Variants in MYLK observed in about 807,000 individuals in gnomAD.
MYLK encodes the protein myosin light chain kinase, also known as myosin light chain kinase, smooth muscle.
In MYLK, 106 loss-of-function variants were observed where a neutral mutation model predicts 203.4. The observed-to-expected ratio is 0.52, with a 90% confidence interval of 0.45 to 0.61. The LOEUF is 0.61. MYLK is among the 20% of genes least tolerant of loss of function. The probability of loss-of-function intolerance (pLI) is 0.00; values close to 1 mark genes in which losing one functional copy is unlikely to be tolerated. For missense variants in MYLK, 2,072 were observed against 2,442.3 expected, an observed-to-expected ratio of 0.85 and a Z score of 3.20; for synonymous variants, 867 against 959.5, an observed-to-expected ratio of 0.90 and a Z score of 1.78.
intron 20 of MYLK, among the ~76,000 whole-genome samples, chr3:123,667,710 G>A (rs528407941): frequency 2.0e-5 from 3 of 152,056 alleles, no homozygotes; most frequent in Non-Finnish European, 4.4e-5. Context: ...CAGTTCTCAG[G>A]GACCTATGAA....
In MYLK at chr3:123,737,451, G is replaced by C. The variant is rs768879568; in HGVS notation, c.681C>G (p.Asp227Glu). 1 of 1,614,180 alleles carries C rather than the reference G, an allele frequency of 6.2e-7. No individual in the cohort carries two copies. The highest frequency in any genetic ancestry group is 8.5e-7 in the Non-Finnish European group (1 of 1,180,038). ...CCACCAGGCACGTGTACACTCCCAC[G>C]TCATCTTGGTTGACTCCATGGATTT... ...VLEIHGVNQD[D>E]VGVYTCLVVN... is the part of the protein sequence containing the mutation. The change falls in exon 8 of 34, where the codon GAC becomes GAG. Residue 227 changes from aspartate (D) to glutamate (E), a missense_variant. By Grantham distance (45) the Asp-to-Glu change is conservative. Transcript: ENST00000360304.
chr3:123,651,019 C>T (rs1213307813), intron 24 of MYLK, among the ~76,000 whole-genome samples: 1 of 152,152 alleles, frequency 6.6e-6, no homozygotes, highest in African/African-American at 2.4e-5. Context: ...TGCCCTGGAG[C>T]TCTGGCTGTC....
At chr3:123,652,158 C>T (rs1293233812) in intron 24 of MYLK, among the ~76,000 whole-genome samples, 2 of 152,100 alleles carry the variant, frequency 1.3e-5, no homozygotes, top group Non-Finnish European at 2.9e-5. Context: ...TTCTATTTGA[C>T]CACAAGGGGA....
intron 29 of MYLK, among the ~76,000 whole-genome samples, chr3:123,631,627 A>G (rs2058428783): frequency 6.6e-6 from 1 of 152,178 alleles, no homozygotes. Flanking sequence ...AACCTTTTGT[A>G]AAGAGAAGAA....
chr3:123,686,103 C>A (rs939261995), intron 19 of MYLK, among the ~76,000 whole-genome samples: 1 of 152,178 alleles, frequency 6.6e-6, no homozygotes, highest in African/African-American at 2.4e-5. Flanking sequence ...CACATGGCTG[C>A]CCAGGGGATA....
chr3:123,845,282 A>G (rs2066686909), intron 2 of MYLK, among the ~76,000 whole-genome samples: 1 of 152,240 alleles, frequency 6.6e-6, no homozygotes, highest in African/African-American at 2.4e-5. Context: ...AATTGGAATA[A>G]AGAAGACTTT....
At chr3:123,669,585 C>T (rs189920768) in intron 20 of MYLK, among the ~76,000 whole-genome samples, 3 of 152,172 alleles carry the variant, frequency 2.0e-5, no homozygotes, top group Admixed American at 6.5e-5. Context: ...TTAGGAAATA[C>T]ACACTGAAGT....
At chr3:123,869,805 T>C (rs1261034492) in intron 2 of MYLK, among the ~76,000 whole-genome samples, 4 of 152,184 alleles carry the variant, frequency 2.6e-5, no homozygotes, top group African/African-American at 9.6e-5. Flanking sequence ...TTCACCCATC[T>C]AATAAGTTCT....
intron 4 of MYLK, among the ~76,000 whole-genome samples, chr3:123,774,902 G>A (rs564210021): frequency 2.0e-4 from 31 of 152,240 alleles, no homozygotes; most frequent in Non-Finnish European, 3.4e-4. Flanking sequence ...ATAAAGGCTC[G>A]TTGAGCACCC....
chr3:123,785,044 G>A (rs901144249), intron 4 of MYLK, among the ~76,000 whole-genome samples: 9 of 152,084 alleles, frequency 5.9e-5, no homozygotes, highest in East Asian at 1.9e-4. Flanking sequence ...TAATCACCCC[G>A]ACTTCTGCCC....
chr3:123,688,973 A>C (rs562021612), intron 19 of MYLK, among the ~76,000 whole-genome samples: 21 of 152,346 alleles, frequency 1.4e-4, no homozygotes, highest in Admixed American at 3.9e-4. Context: ...GAAAAGTCCC[A>C]AAAGCTGGAA....
chr3:123,730,229 T>TA (rs1560141581), intron 11 of MYLK, among the ~76,000 whole-genome samples: 1 of 152,000 alleles, frequency 6.6e-6, no homozygotes, highest in African/African-American at 2.4e-5. Context: ...CCTCATTTTT[T>TA]AAAAAAAGCA....
chr3:123,692,917 C>T lies in MYLK; in HGVS notation c.3449-66G>A, dbSNP rs557980419. On this transcript the variant is annotated intron_variant, in intron 18 of 33. Coordinates refer to ENST00000360304, the MANE Select transcript of MYLK (RefSeq NM_053025.4). Reference sequence around the variant, plus strand: ...AGTACCTGCCCTGGCATCTGGAGCGCAGCAGGTGAGTGTTACTCGCACGGG... The same window carrying T: ...AGTACCTGCCCTGGCATCTGGAGCGTAGCAGGTGAGTGTTACTCGCACGGG... The T allele has an allele frequency of 2.1e-6, 3 of 1,402,398 alleles. No homozygotes were observed. The East Asian group carries it at 6.8e-5, about 32-fold the overall frequency. 86.9% of individuals were successfully genotyped at this position (1,402,398 alleles called of 1,614,324 possible). A position where few individuals can be genotyped will look rare whatever the true frequency, so the allele number is the denominator to read the frequency against.
chr3:123,707,759 C>T lies in MYLK; in HGVS notation c.2385G>A (p.Leu795=). ...GGCTGGACATGCAGACTCACTTGAG[C>T]AGGATCTCATACTGGCCGGCATGCC... ...QPWHAGQYEI[L]LKNRVGECSC... is the part of the protein sequence containing the mutation. The change falls in exon 16 of 34, where the codon CTG becomes CTA. Residue 795 remains leucine (L), a synonymous_variant. Transcript: ENST00000360304. 6.2e-7 allele frequency: 1 copy of T among 1,614,190 alleles called. No homozygotes were observed. The highest frequency in any genetic ancestry group is 8.5e-7 in the Non-Finnish European group (1 of 1,180,042).
At chr3:123,687,587 T>C (rs544181032) in intron 19 of MYLK, among the ~76,000 whole-genome samples, 11 of 148,576 alleles carry the variant, frequency 7.4e-5, no homozygotes, top group African/African-American at 2.6e-5. Flanking sequence ...TTCCTTCCTT[T>C]CTTCCTTCCT....
At chr3:123,709,400 A>G (rs2061603420) in intron 14 of MYLK, 1 of 313,310 alleles carries the variant, frequency 3.2e-6, no homozygotes, top group African/African-American at 2.2e-5. Flanking sequence ...TCGGCCTCAC[A>G]AAGTGCTGGG....
chr3:123,724,428 C>T (rs754738434), intron 12 of MYLK, among the ~76,000 whole-genome samples: 26 of 152,098 alleles, frequency 1.7e-4, no homozygotes, highest in Non-Finnish European at 2.5e-4. Context: ...TAGTCCTTAA[C>T]GCCCATATTG....
At chr3:123,817,484 C>T (rs1042762494) in intron 3 of MYLK, among the ~76,000 whole-genome samples, 1 of 152,302 alleles carries the variant, frequency 6.6e-6, no homozygotes, top group East Asian at 1.9e-4. Flanking sequence ...TCAGCCCAGG[C>T]CTACAGCTAC....
intron 29 of MYLK, among the ~76,000 whole-genome samples, chr3:123,630,067 C>T (rs942938127): frequency 2.0e-5 from 3 of 151,246 alleles, no homozygotes; most frequent in African/African-American, 7.3e-5. Context: ...TCCCACCTCT[C>T]TCCACACACC....
Sources: gnomAD v4.1 joint callset for allele counts (sites outside exome capture counted in the v4.1 genomes callset) on GRCh38, gnomAD v4.1.1 for gene constraint, MANE v1.5 for transcripts, NCBI Gene and HGNC (gene_info 2026-07-23, HGNC 2026-07-21) for gene names.